The following MIR2052HG variants were observed in gnomAD, a reference collection of about 807,000 sequenced individuals.
MIR2052HG encodes the protein MIR2052 host gene.
At chr8:74,746,692 T>G (rs1186387341) in intron 4 of MIR2052HG, among the ~76,000 whole-genome samples, 1 of 148,758 alleles carries the variant, frequency 6.7e-6, no homozygotes, top group Non-Finnish European at 1.5e-5. Flanking sequence ...GAGGATAGAG[T>G]GGAGAGAAGA....
At chr8:74,655,483 A>G (rs1484933330) in intron 2 of MIR2052HG, among the ~76,000 whole-genome samples, 2 of 152,174 alleles carry the variant, frequency 1.3e-5, no homozygotes, top group East Asian at 3.9e-4. Context: ...AGCCATTGCT[A>G]AAAGGGGCCA....
intron 2 of MIR2052HG, among the ~76,000 whole-genome samples, chr8:74,689,670 G>A (rs1257739688): frequency 2.0e-5 from 3 of 152,122 alleles, no homozygotes; most frequent in African/African-American, 7.2e-5. Flanking sequence ...GGTATTTGGG[G>A]CAGAAAATGT....
intron 2 of MIR2052HG, among the ~76,000 whole-genome samples, chr8:74,631,174 C>T (rs555485319): frequency 1.1e-3 from 167 of 152,320 alleles, no homozygotes; most frequent in Non-Finnish European, 1.9e-3. Flanking sequence ...TCAGGCCACT[C>T]TAACAATAAA....
chr8:74,628,798 G>C (rs1213486102), intron 2 of MIR2052HG: 2 of 152,254 alleles, frequency 1.3e-5, no homozygotes, highest in South Asian at 2.1e-4. Context: ...GTGTAAGTCT[G>C]ACCTTTGGTG....
intron 4 of MIR2052HG, among the ~76,000 whole-genome samples, chr8:74,728,787 T>G (rs1026447490): frequency 1.3e-5 from 2 of 152,182 alleles, no homozygotes; most frequent in African/African-American, 4.8e-5. Context: ...AAGTCAGAGT[T>G]AGTAGTTAAG....
At chr8:74,676,983 G>C (rs964677715) in intron 2 of MIR2052HG, among the ~76,000 whole-genome samples, 1 of 151,890 alleles carries the variant, frequency 6.6e-6, no homozygotes, top group Non-Finnish European at 1.5e-5. Flanking sequence ...AGTCTGATAA[G>C]AGAAACACTT....
chr8:74,642,177 T>C (rs1368726720), intron 2 of MIR2052HG, among the ~76,000 whole-genome samples: 1 of 152,174 alleles, frequency 6.6e-6, no homozygotes, highest in Non-Finnish European at 1.5e-5. Context: ...AAGTTGCTGT[T>C]GGAATTTGCA....
At chr8:74,731,790 C>T (rs1394399684) in intron 4 of MIR2052HG, among the ~76,000 whole-genome samples, 10 of 152,228 alleles carry the variant, frequency 6.6e-5, no homozygotes, top group East Asian at 3.9e-4. Flanking sequence ...ACAACAATGA[C>T]TTACTGGGGG....
intron 4 of MIR2052HG, among the ~76,000 whole-genome samples, chr8:74,707,143 TC>T (rs1219934503): frequency 3.3e-5 from 5 of 152,224 alleles, no homozygotes; most frequent in African/African-American, 1.2e-4. Context: ...TAAAATTCCC[TC>T]CCATGTAGAT....
chr8:74,688,335 A>G (rs1051721000), intron 2 of MIR2052HG, among the ~76,000 whole-genome samples: 2 of 152,236 alleles, frequency 1.3e-5, no homozygotes, highest in South Asian at 2.1e-4. Context: ...TTAAGCTGAC[A>G]GTTATTACCA....
chr8:74,622,746 G>A (rs746163600), intron 2 of MIR2052HG, among the ~76,000 whole-genome samples: 20 of 151,762 alleles, frequency 1.3e-4, no homozygotes, highest in Non-Finnish European at 2.4e-4. Context: ...ACAAATATTG[G>A]TGAGCATGCG....
At chr8:74,719,067 C>T (rs73339269) in intron 4 of MIR2052HG, among the ~76,000 whole-genome samples, 8 of 133,196 alleles carry the variant, frequency 6.0e-5, no homozygotes, top group East Asian at 2.5e-4. Context: ...GACAAATATC[C>T]GTGTACATCT....
chr8:74,668,231 T>C (rs1563527485), intron 2 of MIR2052HG, among the ~76,000 whole-genome samples: 1 of 151,906 alleles, frequency 6.6e-6, no homozygotes, highest in Non-Finnish European at 1.5e-5. Context: ...GTGATACTTA[T>C]TTCTATTACA....
At chr8:74,737,743 T>C (rs1435814159) in intron 4 of MIR2052HG, among the ~76,000 whole-genome samples, 1 of 152,196 alleles carries the variant, frequency 6.6e-6, no homozygotes, top group Non-Finnish European at 1.5e-5. Flanking sequence ...TCTGAATCAA[T>C]ATTTGTTTGT....
chr8:74,695,555 C>T (rs1183371545), intron 2 of MIR2052HG, among the ~76,000 whole-genome samples: 1 of 152,022 alleles, frequency 6.6e-6, no homozygotes, highest in African/African-American at 2.4e-5. Flanking sequence ...TATCTTCTTT[C>T]TTCAAGAGAC....
chr8:74,726,180 G>A (rs376438704), intron 4 of MIR2052HG, among the ~76,000 whole-genome samples: 2 of 152,064 alleles, frequency 1.3e-5, no homozygotes, highest in Non-Finnish European at 2.9e-5. Context: ...GCGACAGGGT[G>A]AGACTCCATC....
At chr8:74,695,710 CAAAG>C (rs973827564) in intron 2 of MIR2052HG, among the ~76,000 whole-genome samples, 5 of 151,576 alleles carry the variant, frequency 3.3e-5, no homozygotes, top group African/African-American at 7.3e-5. Flanking sequence ...TTAAAAAAGA[CAAAG>C]AAAGATATTA....
chr8:74,690,588 C>T (rs115884140), intron 2 of MIR2052HG, among the ~76,000 whole-genome samples: 2,231 of 151,926 alleles, frequency 0.015, 41 homozygotes, highest in African/African-American at 0.052. Context: ...GCGGAGTTTG[C>T]AGATCCGAGC....
chr8:74,729,900 T>G (rs1292998471), intron 4 of MIR2052HG, among the ~76,000 whole-genome samples: 2 of 152,178 alleles, frequency 1.3e-5, no homozygotes, highest in African/African-American at 4.8e-5. Flanking sequence ...TGTAAATGTA[T>G]ACACATAAAA....
Sources: allele counts gnomAD v4.1 joint callset (sites outside exome capture counted in the v4.1 genomes callset), GRCh38; gene constraint gnomAD v4.1.1; transcripts MANE v1.5; gene names NCBI Gene and HGNC (gene_info 2026-07-23, HGNC 2026-07-21).